Variants in APBB2 observed in about 807,000 individuals in gnomAD.
APBB2 encodes Fe65-like 1.
In APBB2, 38 loss-of-function variants were observed where a neutral mutation model predicts 82.5. That is an observed-to-expected ratio of 0.46 (90% confidence interval 0.36 to 0.60). APBB2 has a LOEUF of 0.60. APBB2 is among the 20% of genes least tolerant of loss of function. APBB2 has a pLI of 0.00. For synonymous variants in APBB2, 341 were observed against 368.2 expected (o/e 0.93, Z 0.85); for missense variants, 772 against 972.3 (o/e 0.79, Z 2.74).
intron 12 of APBB2, among the ~76,000 whole-genome samples, chr4:40,834,296 G>A (rs769857536): frequency 7.2e-5 from 11 of 152,108 alleles, no homozygotes; most frequent in Non-Finnish European, 1.6e-4. Flanking sequence ...AGAGATTTGT[G>A]CATTTCCCAT....
intron 5 of APBB2, among the ~76,000 whole-genome samples, chr4:41,030,642 A>G (rs1716391762): frequency 6.6e-6 from 1 of 152,038 alleles, no homozygotes; most frequent in Non-Finnish European, 1.5e-5. Flanking sequence ...TTTTTTTTTA[A>G]TAGAGCTCTA....
chr4:41,046,377 T>C lies in APBB2; in HGVS notation c.-50-13073A>G, dbSNP rs75672064. Among the ~76,000 whole-genome samples, 1,048 of 152,374 alleles carry C rather than the reference T, an allele frequency of 6.9e-3. 39 individuals are homozygous for C. The highest frequency in any genetic ancestry group is 0.055 in the Admixed American group (842 of 15,298). On this transcript the variant is annotated intron_variant, in intron 4 of 17. Coordinates refer to ENST00000508593, the MANE Select transcript of APBB2 (RefSeq NM_004307.2). ...AATGGCTCACAGAGCCTGCAATTCA[T>C]GGAACAAAGATAACATCTCTTCGTA...
At chr4:40,914,849 T>TA (rs1779461363) in intron 10 of APBB2, among the ~76,000 whole-genome samples, 1 of 152,136 alleles carries the variant, frequency 6.6e-6, no homozygotes. Flanking sequence ...GGTGCTTAAT[T>TA]ACTCTTAAGC....
intron 12 of APBB2, among the ~76,000 whole-genome samples, chr4:40,849,874 G>A (rs1397826838): frequency 4.1e-5 from 5 of 122,120 alleles, no homozygotes; most frequent in Admixed American, 3.6e-4. Flanking sequence ...ATTACTCGGC[G>A]CCACCACACC....
intron 1 of APBB2, among the ~76,000 whole-genome samples, chr4:41,152,624 G>A (rs1001615689): frequency 3.3e-5 from 5 of 152,060 alleles, no homozygotes; most frequent in Non-Finnish European, 4.4e-5. Context: ...CACCGCGCCC[G>A]GCCTTCACTT....
intron 10 of APBB2, among the ~76,000 whole-genome samples, chr4:40,908,663 C>T (rs1777725931): frequency 6.6e-6 from 1 of 151,996 alleles, no homozygotes; most frequent in Non-Finnish European, 1.5e-5. Flanking sequence ...TCAAGGCCTC[C>T]TAGGAGTACC....
intron 8 of APBB2, 176 bp from the exon 9 acceptor site, chr4:40,934,875 A>G (rs1199872413): frequency 2.9e-6 from 2 of 682,440 alleles, no homozygotes; most frequent in African/African-American, 3.6e-5. Context: ...CTGTTCTTAC[A>G]AAACAACGGG....
rs1365338698 is a variant in APBB2 at position 41,162,313 on chromosome 4, TC to T, written c.-416-19172del. 1.6e-4 allele frequency among the ~76,000 whole-genome samples: 25 copies of T among 151,898 alleles called. 1 individual carries two copies. Among genetic ancestry groups the T allele is most frequent in the Non-Finnish European group, 5.9e-5 (4 of 67,960 alleles). The stretch of plus-strand genomic sequence containing the variant: ...AGTATTTCTTAAATTTCTTTTAATC[TC>T]TAGGTCTCCTATTCATCTCTCTGTC... On this transcript the variant is annotated intron_variant, in intron 1 of 17. Transcript: ENST00000508593.
chr4:40,860,442 T>C (rs1159315578), intron 12 of APBB2, among the ~76,000 whole-genome samples: 1 of 152,170 alleles, frequency 6.6e-6, no homozygotes, highest in African/African-American at 2.4e-5. Context: ...CTCTGTGCTA[T>C]TGTCACACGG....
rs528586016 is a variant in APBB2, at chr4:41,041,281, T to G, written c.-50-7977A>C. Among the ~76,000 whole-genome samples the G allele has an allele frequency of 3.3e-5, 5 of 152,338 alleles. No homozygotes were observed. In the South Asian group the frequency reaches 1.0e-3, roughly 32 times the overall value. On this transcript the variant is annotated intron_variant, in intron 4 of 17. Coordinates refer to ENST00000508593, the MANE Select transcript of APBB2 (RefSeq NM_004307.2). ...CTATTTAAAAAAAAATCCTTTAAAT[T>G]GCCTGCTTAGTACAATACACACAGT...
rs754627377 is a variant in APBB2, at chr4:41,141,314, C to CTG, written c.-261+1671_-261+1672dup. 9.0e-4 allele frequency among the ~76,000 whole-genome samples: 25 copies of CTG among 27,654 alleles called. 1 individual carries two copies. In the South Asian group the frequency reaches 0.042, roughly 47 times the overall value. 18.1% of individuals were successfully genotyped at this position (27,654 alleles called of 152,430 possible). A position where few individuals can be genotyped will look rare whatever the true frequency, so the allele number is the denominator to read the frequency against. On this transcript the variant is annotated intron_variant, in intron 2 of 17. Transcript: ENST00000508593. Reference sequence around the variant, plus strand: ...TTGCAGGTCAAAAATATGTGTGTGTCTGTGTGTGTGTGTGTGTCTGTGTGT... The same window carrying CTG: ...TTGCAGGTCAAAAATATGTGTGTGTCTGTGTGTGTGTGTGTGTGTCTGTGTGT...
intron 1 of APBB2, among the ~76,000 whole-genome samples, chr4:41,168,340 T>C (rs1481508313): frequency 6.6e-6 from 1 of 152,082 alleles, no homozygotes; most frequent in Non-Finnish European, 1.5e-5. Context: ...AGAATAATTT[T>C]GTCTGTTGAA....
intron 10 of APBB2, among the ~76,000 whole-genome samples, chr4:40,907,078 C>T (rs113150501): frequency 0.022 from 3,331 of 152,044 alleles, 115 homozygotes; most frequent in African/African-American, 0.076. Flanking sequence ...CTTCCTTTTA[C>T]ATATCTTGTT....
At chr4:41,023,862 C>T (rs530563802) in intron 5 of APBB2, among the ~76,000 whole-genome samples, 1 of 152,068 alleles carries the variant, frequency 6.6e-6, no homozygotes, top group Admixed American at 6.5e-5. Flanking sequence ...AAAAAGAGTC[C>T]AATTAGCCAA....
At chr4:41,200,436 T>C (rs1776426256) in intron 1 of APBB2, among the ~76,000 whole-genome samples, 1 of 152,178 alleles carries the variant, frequency 6.6e-6, no homozygotes, top group Non-Finnish European at 1.5e-5. Flanking sequence ...TAACATGGAA[T>C]AATTTAGCAA....
At chr4:40,896,170 T>C (rs181981354) in intron 10 of APBB2, among the ~76,000 whole-genome samples, 2 of 152,228 alleles carry the variant, frequency 1.3e-5, no homozygotes, top group Admixed American at 6.5e-5. Context: ...GTTCAAGTGA[T>C]CCTTCTGCCT....
intron 4 of APBB2, among the ~76,000 whole-genome samples, chr4:41,064,487 A>C (rs1286664881): frequency 6.6e-6 from 1 of 152,268 alleles, no homozygotes; most frequent in Non-Finnish European, 1.5e-5. Flanking sequence ...CCAAAATTCC[A>C]CAGGTTCCAA....
intron 6 of APBB2, among the ~76,000 whole-genome samples, chr4:41,004,367 G>A (rs1191780000): frequency 2.0e-5 from 3 of 152,084 alleles, no homozygotes; most frequent in Non-Finnish European, 4.4e-5. Flanking sequence ...TACTTACTGA[G>A]GTATGATGGG....
At chr4:40,957,665 C>T (rs1030861294) in intron 6 of APBB2, among the ~76,000 whole-genome samples, 1 of 151,510 alleles carries the variant, frequency 6.6e-6, no homozygotes, top group African/African-American at 2.4e-5. Context: ...CTCACTGCAA[C>T]CTCTGCCTCC....
Sources: allele counts gnomAD v4.1 joint callset (sites outside exome capture counted in the v4.1 genomes callset), GRCh38; gene constraint gnomAD v4.1.1; transcripts MANE v1.5; gene names NCBI Gene and HGNC (gene_info 2026-07-23, HGNC 2026-07-21).